The following ADCY8 variants were observed in gnomAD, a reference collection of about 807,000 sequenced individuals.
ADCY8 encodes the protein adenylate cyclase type 8.
ADCY8 carries 51 observed loss-of-function variants against 119.7 expected under a neutral mutation model. The ratio of observed to expected loss-of-function variants is 0.43; its 90% CI spans 0.34 to 0.54. ADCY8 has a LOEUF of 0.54. Ranked by LOEUF, ADCY8 falls within the 20% of genes least tolerant of loss-of-function variation. The pLI is 0.03. For missense variants in ADCY8, 1,383 were observed against 1,598.8 expected, an observed-to-expected ratio of 0.87 and a Z score of 2.30; for synonymous variants, 665 against 651.0, an observed-to-expected ratio of 1.02 and a Z score of -0.33.
intron 14 of ADCY8, among the ~76,000 whole-genome samples, chr8:130,808,578 T>C (rs556698154): frequency 2.0e-5 from 3 of 152,260 alleles, no homozygotes; most frequent in Non-Finnish European, 4.4e-5. Context: ...CCATTGGTCA[T>C]AAAGGTAGTG....
chr8:131,008,995 C>G (rs545987439), intron 1 of ADCY8, among the ~76,000 whole-genome samples: 1 of 151,980 alleles, frequency 6.6e-6, no homozygotes, highest in East Asian at 1.9e-4. Flanking sequence ...AATTTCTAAG[C>G]GGCAAAAGGT....
chr8:131,038,137 G>C (rs1254860989), intron 1 of ADCY8, among the ~76,000 whole-genome samples: 1 of 152,190 alleles, frequency 6.6e-6, no homozygotes, highest in African/African-American at 2.4e-5. Context: ...AGAAGTCCAG[G>C]AGGCCAGTGA....
chr8:130,937,238 G>A (rs370054161), intron 4 of ADCY8, 38 bp from the exon 5 acceptor site: 285 of 1,594,748 alleles, frequency 1.8e-4, no homozygotes, highest in Non-Finnish European at 2.3e-4. Context: ...GTCTATGTCA[G>A]CAGAAGGATC....
Position 130,780,512 on chromosome 8 carries a change from G to GTAGC in ADCY8, c.3630_3633dup (p.Leu1212AlafsTer4). The GTAGC allele has an allele frequency of 6.2e-7, 1 of 1,614,166 alleles. No individual in the cohort carries two copies. The highest frequency in any genetic ancestry group is 8.5e-7 in the Non-Finnish European group (1 of 1,180,032). On this transcript the variant is annotated frameshift_variant, in exon 18 of 18. Coordinates refer to ENST00000286355, the MANE Select transcript of ADCY8 (RefSeq NM_001115.3). LOFTEE classifies it high-confidence loss of function. ...ATTCCTGTGTTGTTGTTCTCATTGA[G>GTAGC]TAGCTGCTTCTGCCTTTGCCTATTG...
chr8:130,868,364 T>TC (rs1818204169), intron 8 of ADCY8, among the ~76,000 whole-genome samples: 1 of 152,054 alleles, frequency 6.6e-6, no homozygotes, highest in Non-Finnish European at 1.5e-5. Flanking sequence ...TGCCTCCTTT[T>TC]TTTTATTAAA....
chr8:131,002,610 T>A (rs1227764937), intron 1 of ADCY8, among the ~76,000 whole-genome samples: 1 of 151,494 alleles, frequency 6.6e-6, no homozygotes, highest in East Asian at 1.9e-4. Context: ...ATAGTGAAGC[T>A]TAAAAAATAA....
At chr8:130,906,045 C>T (rs957231125) in intron 6 of ADCY8, among the ~76,000 whole-genome samples, 1 of 152,188 alleles carries the variant, frequency 6.6e-6, no homozygotes, top group African/African-American at 2.4e-5. Flanking sequence ...TTCATGTTCT[C>T]CACATCTTCC....
intron 2 of ADCY8, among the ~76,000 whole-genome samples, chr8:130,970,324 TTCTCATAGGAGCGCAAACCC>T (rs1821885831): frequency 6.6e-6 from 1 of 152,152 alleles, no homozygotes; most frequent in Non-Finnish European, 1.5e-5. Flanking sequence ...CAGCATTAGA[TTCTCATAGGAGCGCAAACCC>T]TATGGTGAAC....
At position 130,836,274 on chromosome 8, in the gene ADCY8, T is replaced by C. The variant is rs1352997280; in HGVS notation, c.2675+3A>G. The C allele has an allele frequency of 5.0e-6, 8 of 1,609,422 alleles. No homozygotes were observed. Among genetic ancestry groups the C allele is most frequent in the Non-Finnish European group, 6.8e-6 (8 of 1,177,276 alleles). ...CTTTGGACTCACGGTGGTGGGCACT[T>C]ACTCTCCACTGTGGTTGAGGTTGTC... is the stretch of plus-strand genomic sequence containing the variant. On this transcript the variant is annotated splice_donor_region_variant and intron_variant, in intron 12 of 17. Transcript: ENST00000286355.
chr8:130,951,225 C>G (rs1821259658), intron 3 of ADCY8, among the ~76,000 whole-genome samples: 1 of 152,188 alleles, frequency 6.6e-6, no homozygotes, highest in Non-Finnish European at 1.5e-5. Flanking sequence ...ATAAATTTCC[C>G]AAGATCACAA....
chr8:131,036,832 A>G (rs1182266096), intron 1 of ADCY8, among the ~76,000 whole-genome samples: 1 of 152,046 alleles, frequency 6.6e-6, no homozygotes, highest in Non-Finnish European at 1.5e-5. Flanking sequence ...AAGAGAATAC[A>G]AGAGAAGAGA....
chr8:130,871,550 A>G (rs1818357481), intron 8 of ADCY8, among the ~76,000 whole-genome samples: 1 of 152,204 alleles, frequency 6.6e-6, no homozygotes, highest in Admixed American at 6.5e-5. Context: ...TCCTATATAA[A>G]TGTTACCTAC....
At chr8:130,810,780 T>G (rs1036544259) in intron 14 of ADCY8, among the ~76,000 whole-genome samples, 67 of 152,338 alleles carry the variant, frequency 4.4e-4, no homozygotes, top group African/African-American at 1.6e-3. Flanking sequence ...TACATGCGAT[T>G]AATGCTGAAG....
intron 8 of ADCY8, among the ~76,000 whole-genome samples, chr8:130,882,118 GTTTTTTTTTT>G (rs35806429): frequency 1.5e-5 from 2 of 133,052 alleles, no homozygotes; most frequent in African/African-American, 5.7e-5. Context: ...CCATATTGAG[GTTTTTTTTTT>G]TTTTTTTTCC....
At chr8:131,000,669 A>G (rs951995950) in intron 1 of ADCY8, among the ~76,000 whole-genome samples, 5 of 152,100 alleles carry the variant, frequency 3.3e-5, no homozygotes, top group Non-Finnish European at 5.9e-5. Flanking sequence ...TGGGAGCCAG[A>G]GCCTGAATTA....
chr8:130,789,274 C>T (rs923413374), intron 15 of ADCY8, among the ~76,000 whole-genome samples: 1 of 152,182 alleles, frequency 6.6e-6, no homozygotes, highest in Admixed American at 6.5e-5. Flanking sequence ...GCTGGCTAAT[C>T]TCAATGTCTG....
At chr8:131,023,295 T>C (rs1458089037) in intron 1 of ADCY8, among the ~76,000 whole-genome samples, 2 of 152,180 alleles carry the variant, frequency 1.3e-5, no homozygotes, top group Non-Finnish European at 2.9e-5. Flanking sequence ...TCAACACCAA[T>C]AAATTATTGC....
intron 5 of ADCY8, among the ~76,000 whole-genome samples, chr8:130,928,051 G>T (rs1820524066): frequency 6.6e-6 from 1 of 152,072 alleles, no homozygotes; most frequent in Non-Finnish European, 1.5e-5. Context: ...GTAGTTACGG[G>T]ATTACCAGTG....
intron 5 of ADCY8, among the ~76,000 whole-genome samples, chr8:130,921,882 C>T (rs1377513869): frequency 6.6e-6 from 1 of 152,092 alleles, no homozygotes; most frequent in Non-Finnish European, 1.5e-5. Context: ...TAGAAAGTCT[C>T]CAAGTGGCAG....
Sources: gnomAD v4.1 joint callset for allele counts (sites outside exome capture counted in the v4.1 genomes callset) on GRCh38, gnomAD v4.1.1 for gene constraint, MANE v1.5 for transcripts, NCBI Gene and HGNC (gene_info 2026-07-23, HGNC 2026-07-21) for gene names.